The following NOL4 variants were observed in gnomAD, a reference collection of about 807,000 sequenced individuals.
NOL4 encodes cancer/testis antigen 125.
In NOL4, 17 loss-of-function variants were observed where a neutral mutation model predicts 75.9. That is an observed-to-expected ratio of 0.22 (90% confidence interval 0.15 to 0.34). The LOEUF (loss-of-function observed/expected upper bound fraction) is 0.34, where lower values mean the gene tolerates loss of function less well. Among genes scored for constraint, NOL4 ranks in the 10% least tolerant of loss-of-function variants. NOL4 has a pLI of 1.00. For synonymous variants in NOL4, 292 were observed against 289.9 expected (o/e 1.01, Z -0.07); for missense variants, 614 against 793.5 (o/e 0.77, Z 2.72).
At chr18:34,197,280 TA>T (rs1568441111) in intron 1 of NOL4, among the ~76,000 whole-genome samples, 1 of 151,972 alleles carries the variant, frequency 6.6e-6, no homozygotes, top group African/African-American at 2.4e-5. Context: ...ATAGATTTTT[TA>T]AAAAATGGCA....
At chr18:34,114,869 G>GA (rs2079775657) in intron 2 of NOL4, among the ~76,000 whole-genome samples, 1 of 146,408 alleles carries the variant, frequency 6.8e-6, no homozygotes. Flanking sequence ...AGGGAAAGCA[G>GA]ACAAAAAAAA....
intron 4 of NOL4, among the ~76,000 whole-genome samples, chr18:34,099,375 A>AAAAAAAAAAAAAAAAAAAAAAAAC (rs1222045912): frequency 6.7e-6 from 1 of 150,248 alleles, no homozygotes; most frequent in Non-Finnish European, 1.5e-5. Flanking sequence ...AAAAAAAAAA[A>AAAAAAAAAAAAAAAAAAAAAAAAC]AAGACAACTA....
intron 6 of NOL4, among the ~76,000 whole-genome samples, chr18:33,996,215 G>A (rs1213572606): frequency 1.3e-5 from 2 of 151,612 alleles, no homozygotes; most frequent in South Asian, 2.1e-4. Context: ...AAAAAAGAAA[G>A]AAAACCAACT....
At chr18:34,066,650 A>G (rs2077287204) in intron 5 of NOL4, among the ~76,000 whole-genome samples, 1 of 151,678 alleles carries the variant, frequency 6.6e-6, no homozygotes, top group South Asian at 2.1e-4. Context: ...TTAATTTATT[A>G]TATTTGAAAA....
intron 6 of NOL4, among the ~76,000 whole-genome samples, chr18:34,012,953 G>A (rs1024425410): frequency 6.6e-6 from 1 of 151,940 alleles, no homozygotes; most frequent in Non-Finnish European, 1.5e-5. Context: ...AATTACATGG[G>A]CTGCAGAGGC....
At chr18:34,018,674 C>A (rs773239201) in intron 6 of NOL4, among the ~76,000 whole-genome samples, 1 of 151,986 alleles carries the variant, frequency 6.6e-6, no homozygotes, top group Non-Finnish European at 1.5e-5. Flanking sequence ...AAAAAAAAGT[C>A]AGCTGGGAAT....
chr18:33,955,986 G>A (rs542616407), intron 8 of NOL4, among the ~76,000 whole-genome samples: 1 of 152,106 alleles, frequency 6.6e-6, no homozygotes, highest in African/African-American at 2.4e-5. Context: ...TTGTCATTTG[G>A]GTTTTACAGA....
intron 2 of NOL4, among the ~76,000 whole-genome samples, chr18:34,118,761 C>A (rs1252734262): frequency 6.6e-6 from 1 of 152,062 alleles, no homozygotes; most frequent in Non-Finnish European, 1.5e-5. Context: ...AATGCTCAGA[C>A]AATAATTTTC....
intron 2 of NOL4, among the ~76,000 whole-genome samples, chr18:34,113,054 G>A: frequency 6.6e-6 from 1 of 152,104 alleles, no homozygotes; most frequent in East Asian, 1.9e-4. Context: ...TAGACTCAAA[G>A]TCCTGGGCTC....
chr18:34,178,349 C>T (rs947974599), intron 1 of NOL4, among the ~76,000 whole-genome samples: 2 of 151,624 alleles, frequency 1.3e-5, no homozygotes, highest in Admixed American at 1.3e-4. Context: ...AAAACAGACA[C>T]AGACATAGAA....
At chr18:34,024,702 C>T (rs2075258701) in intron 5 of NOL4, among the ~76,000 whole-genome samples, 1 of 152,056 alleles carries the variant, frequency 6.6e-6, no homozygotes, top group Non-Finnish European at 1.5e-5. Context: ...CTTTCCAGCA[C>T]AGTATACTGG....
chr18:34,030,202 C>T (rs1213450400), intron 5 of NOL4, among the ~76,000 whole-genome samples: 1 of 152,078 alleles, frequency 6.6e-6, no homozygotes, highest in Non-Finnish European at 1.5e-5. Context: ...TAATAATTTT[C>T]AAAAGCCATA....
intron 4 of NOL4, among the ~76,000 whole-genome samples, chr18:34,098,069 G>A (rs544413944): frequency 6.6e-6 from 1 of 151,970 alleles, no homozygotes; most frequent in African/African-American, 2.4e-5. Flanking sequence ...TATGGATATT[G>A]ACCATGTAGT....
intron 5 of NOL4, among the ~76,000 whole-genome samples, chr18:34,062,837 A>G (rs1406683399): frequency 6.6e-6 from 1 of 152,154 alleles, no homozygotes; most frequent in Non-Finnish European, 1.5e-5. Flanking sequence ...ATCTATATCC[A>G]GAATAAAATG....
intron 5 of NOL4, among the ~76,000 whole-genome samples, chr18:34,071,808 T>C (rs1427596624): frequency 1.3e-5 from 2 of 152,188 alleles, no homozygotes; most frequent in African/African-American, 2.4e-5. Flanking sequence ...AATGGGTTTA[T>C]TGAGATGTAA....
At chr18:33,900,887 G>A (rs1215085051) in intron 9 of NOL4, among the ~76,000 whole-genome samples, 1 of 152,090 alleles carries the variant, frequency 6.6e-6, no homozygotes, top group Non-Finnish European at 1.5e-5. Flanking sequence ...ATTGGATCTT[G>A]GCTTGTGTGT....
At chr18:34,108,856 T>C (rs1326136975) in intron 2 of NOL4, among the ~76,000 whole-genome samples, 3 of 152,038 alleles carry the variant, frequency 2.0e-5, no homozygotes, top group Non-Finnish European at 4.4e-5. Flanking sequence ...CTAATGGACA[T>C]ATACAAAACT....
At chr18:34,024,829 G>A (rs553777137) in intron 5 of NOL4, among the ~76,000 whole-genome samples, 1 of 152,244 alleles carries the variant, frequency 6.6e-6, no homozygotes, top group South Asian at 2.1e-4. Flanking sequence ...ATATGTATCT[G>A]TAGGATCCAT....
At chr18:34,208,526 C>G (rs1230557882) in intron 1 of NOL4, among the ~76,000 whole-genome samples, 1 of 151,814 alleles carries the variant, frequency 6.6e-6, no homozygotes, top group East Asian at 1.9e-4. Context: ...TTGTAATATA[C>G]AAACAGACAC....
Sources: gnomAD v4.1 joint callset for allele counts (sites outside exome capture counted in the v4.1 genomes callset) on GRCh38, gnomAD v4.1.1 for gene constraint, MANE v1.5 for transcripts, NCBI Gene and HGNC (gene_info 2026-07-23, HGNC 2026-07-21) for gene names.